Variants in UBAP1 observed in about 807,000 individuals in gnomAD.
The protein encoded by UBAP1 is ubiquitin-associated protein 1.
UBAP1 carries 5 observed loss-of-function variants against 39.0 expected under a neutral mutation model. That is an observed-to-expected ratio of 0.13 (90% confidence interval 0.07 to 0.27). The LOEUF (loss-of-function observed/expected upper bound fraction) is 0.27. UBAP1 is among the 10% of genes least tolerant of loss of function. The pLI is 1.00. For missense variants in UBAP1, 490 were observed against 608.1 expected (o/e 0.81, Z 2.04); for synonymous variants, 211 against 225.1 (o/e 0.94, Z 0.56).
chr9:34,252,348 A>T lies in UBAP1; in HGVS notation c.*816A>T, dbSNP rs1295304434. The T allele has an allele frequency of 2.0e-5, 3 of 152,628 alleles. No homozygotes were observed. In the East Asian group the frequency reaches 5.8e-4, roughly 29 times the overall value. The allele number at this position is 152,628 out of a possible 1,614,324, so 9.5% of individuals were successfully genotyped here. A position where few individuals can be genotyped will look rare whatever the true frequency, so the allele number is the denominator to read the frequency against. ...TTCCCCTCCAGCCCACTGCTTTAGG[A>T]TGACACAATGAATAACACCTAGTCA... is the stretch of plus-strand genomic sequence containing the variant. On this transcript the variant is annotated 3_prime_UTR_variant, in exon 7 of 7. Transcript: ENST00000297661.
intron 4 of UBAP1, among the ~76,000 whole-genome samples, chr9:34,249,497 G>A (rs1244262531): frequency 6.6e-6 from 1 of 152,162 alleles, no homozygotes; most frequent in African/African-American, 2.4e-5. Flanking sequence ...AGGGCCTGTC[G>A]TGTTGTGGCG....
rs1209543348 is a variant in UBAP1, at chr9:34,235,826, CT to C, written c.159+1501del. On this transcript the variant is annotated intron_variant, in intron 3 of 6. Transcript: ENST00000297661. ...CCTATACAGGTGGACCATTTTTAAT[CT>C]TTTTTTTTTTTTTTCTTTTTTTGAG... Among the ~76,000 whole-genome samples the C allele has an allele frequency of 7.2e-3, 990 of 138,078 alleles. 4 individuals are homozygous for C. Among genetic ancestry groups the C allele is most frequent in the East Asian group, 0.018 (84 of 4,730 alleles). The allele number at this position is 138,078 out of a possible 152,430, so 90.6% of individuals were successfully genotyped here. A position where few individuals can be genotyped will look rare whatever the true frequency, so the allele number is the denominator to read the frequency against.
At chr9:34,212,640 C>A (rs886436415) in intron 1 of UBAP1, among the ~76,000 whole-genome samples, 12 of 151,970 alleles carry the variant, frequency 7.9e-5, no homozygotes, top group African/African-American at 1.2e-4. Context: ...GAAAATACAA[C>A]CCTCCTAGCT....
chr9:34,247,563 T>G (rs2131631399), intron 4 of UBAP1, among the ~76,000 whole-genome samples: 1 of 152,166 alleles, frequency 6.6e-6, no homozygotes, highest in South Asian at 2.1e-4. Flanking sequence ...TAGTTGGGAT[T>G]ACAGGAATGC....
Position 34,198,296 on chromosome 9 carries a change from ATG to A in UBAP1, c.-8+19058_-8+19059del, listed in dbSNP as rs140577089. On this transcript the variant is annotated intron_variant, in intron 1 of 6. Coordinates refer to ENST00000297661, the MANE Select transcript of UBAP1 (RefSeq NM_016525.5). Reference sequence around the variant, plus strand: ...GCATTCTGCAATCAGGTGGGGTTGTATGTTAAGTTTAGCTGTTGAATGGGGGC... The same window carrying A: ...GCATTCTGCAATCAGGTGGGGTTGTATTAAGTTTAGCTGTTGAATGGGGGC... Among the ~76,000 whole-genome samples the A allele has an allele frequency of 1.9e-3, 286 of 152,278 alleles. 1 individual carries two copies. Among genetic ancestry groups the A allele is most frequent in the Non-Finnish European group, 2.9e-3 (199 of 68,006 alleles).
chr9:34,208,224 T>G (rs1831818905), intron 1 of UBAP1, among the ~76,000 whole-genome samples: 1 of 152,242 alleles, frequency 6.6e-6, no homozygotes, highest in South Asian at 2.1e-4. Flanking sequence ...TGTTACTTTT[T>G]TTTTTAATCA....
At chr9:34,202,050 C>T (rs772129128) in intron 1 of UBAP1, among the ~76,000 whole-genome samples, 3 of 152,154 alleles carry the variant, frequency 2.0e-5, no homozygotes, top group Non-Finnish European at 4.4e-5. Flanking sequence ...TGTCACCATC[C>T]ACGAACCTCC....
At chr9:34,189,778 G>A (rs1256917126) in intron 1 of UBAP1, among the ~76,000 whole-genome samples, 1 of 151,460 alleles carries the variant, frequency 6.6e-6, no homozygotes, top group Admixed American at 6.6e-5. Flanking sequence ...CTGGGATTAC[G>A]GGCGTGCTCC....
rs937430233 is a variant in UBAP1, at chr9:34,229,924, C to T, written c.35-4292C>T. Reference sequence around the variant, plus strand: ...TCCTGACCTCAGGTGATCCACCCGCCTCTGCCTCCCAAAGTGTTGGGATTA... The same window carrying T: ...TCCTGACCTCAGGTGATCCACCCGCTTCTGCCTCCCAAAGTGTTGGGATTA... On this transcript the variant is annotated intron_variant, in intron 2 of 6. Coordinates refer to ENST00000297661, the MANE Select transcript of UBAP1 (RefSeq NM_016525.5). 2.6e-5 allele frequency among the ~76,000 whole-genome samples: 4 copies of T among 151,580 alleles called. No homozygotes were observed. In the East Asian group the frequency reaches 7.9e-4, roughly 30 times the overall value.
chr9:34,185,172 G>A (rs1749995695), intron 1 of UBAP1, among the ~76,000 whole-genome samples: 1 of 152,060 alleles, frequency 6.6e-6, no homozygotes, highest in Non-Finnish European at 1.5e-5. Flanking sequence ...GACCTCAGGT[G>A]ATCTGCCTGC....
chr9:34,222,330 T>C (rs1025932289), intron 2 of UBAP1, among the ~76,000 whole-genome samples: 1 of 152,176 alleles, frequency 6.6e-6, no homozygotes. Context: ...AGTGTGCATA[T>C]ACTTACATAG....
chr9:34,196,898 TTGTGTGTGTGTGTG>T (rs777008697), intron 1 of UBAP1, among the ~76,000 whole-genome samples: 144 of 141,430 alleles, frequency 1.0e-3, no homozygotes, highest in African/African-American at 3.2e-3. Flanking sequence ...ATATTGTTAT[TTGTGTGTGTGTGTG>T]TGTGTGTGTG....
chr9:34,185,288 C>T (rs1830339673), intron 1 of UBAP1, among the ~76,000 whole-genome samples: 1 of 152,204 alleles, frequency 6.6e-6, no homozygotes, highest in South Asian at 2.1e-4. Flanking sequence ...TGGCTCATGC[C>T]TGTAGTCCCA....
intron 1 of UBAP1, among the ~76,000 whole-genome samples, chr9:34,216,580 C>T (rs1016634361): frequency 2.6e-5 from 4 of 151,498 alleles, no homozygotes; most frequent in Non-Finnish European, 5.9e-5. Flanking sequence ...AGCCTTTTAC[C>T]ACCTGGACTC....
chr9:34,216,853 C>T (rs1189566306), intron 1 of UBAP1, among the ~76,000 whole-genome samples: 1 of 151,562 alleles, frequency 6.6e-6, no homozygotes, highest in Admixed American at 6.6e-5. Context: ...GGCCATATTA[C>T]CCAGGGTGGT....
chr9:34,210,011 C>T (rs1427767587), intron 1 of UBAP1, among the ~76,000 whole-genome samples: 1 of 152,182 alleles, frequency 6.6e-6, no homozygotes, highest in African/African-American at 2.4e-5. Context: ...CCTATTAAAT[C>T]TTGTTTCTAT....
At chr9:34,225,739 C>G (rs1290273170) in intron 2 of UBAP1, among the ~76,000 whole-genome samples, 2 of 150,180 alleles carry the variant, frequency 1.3e-5, no homozygotes, top group African/African-American at 4.9e-5. Context: ...GAGATCACAC[C>G]ACTGCACTCC....
intron 1 of UBAP1, among the ~76,000 whole-genome samples, chr9:34,219,615 T>C (rs1049441009): frequency 3.3e-5 from 5 of 151,808 alleles, no homozygotes; most frequent in East Asian, 1.9e-4. Flanking sequence ...CTCATACTTA[T>C]TGGTTCAGCA....
At chr9:34,181,336 TC>T (rs1350877033) in intron 1 of UBAP1, among the ~76,000 whole-genome samples, 1 of 149,654 alleles carries the variant, frequency 6.7e-6, no homozygotes, top group South Asian at 2.1e-4. Context: ...CAGGATGGTG[TC>T]CATCTGCTGA....
Sources: allele counts gnomAD v4.1 joint callset (sites outside exome capture counted in the v4.1 genomes callset), GRCh38; gene constraint gnomAD v4.1.1; transcripts MANE v1.5; gene names NCBI Gene and HGNC (gene_info 2026-07-23, HGNC 2026-07-21).